Variants in BCL7A observed in about 807,000 individuals in gnomAD.
The protein encoded by BCL7A is B-cell CLL/lymphoma 7 protein family member A.
A neutral mutation model predicts 28.4 loss-of-function variants in BCL7A; 11 were observed. That is an observed-to-expected ratio of 0.39 (90% CI 0.24 to 0.64). BCL7A has a LOEUF of 0.64. BCL7A is among the 30% of genes least tolerant of loss of function. The pLI, the probability that BCL7A is intolerant of heterozygous loss-of-function variation, is 0.50. For missense variants in BCL7A, 222 were observed against 274.8 expected (o/e 0.81, Z 1.36); for synonymous variants, 123 against 103.3 (o/e 1.19, Z -1.15).
intron 2 of BCL7A, among the ~76,000 whole-genome samples, chr12:122,032,618 A>C (rs1883767976): frequency 6.6e-6 from 1 of 152,222 alleles, no homozygotes; most frequent in Non-Finnish European, 1.5e-5. Flanking sequence ...GGAGGCAGAC[A>C]GACCAGCCCC....
chr12:122,051,450 G>A (rs1884189595), intron 4 of BCL7A, among the ~76,000 whole-genome samples: 1 of 152,208 alleles, frequency 6.6e-6, no homozygotes, highest in South Asian at 2.1e-4. Flanking sequence ...CAAGCTCCCT[G>A]GACTAAATTT....
Position 122,021,957 on chromosome 12 carries a change from T to TGTGTGTGTGTGTGTGTGTGTGA in BCL7A, c.-134_-133insTGTGTGTGTGTGTGTGTGTGAG. On this transcript the variant is annotated 5_prime_UTR_variant, in exon 1 of 6. It removes the in-frame stop codon of an upstream open reading frame in the 5' UTR. Transcript: ENST00000261822. ...GTGTGTGTGTGTGTGTGTGTGTGTGTGAGTGTGTGCGTGTGAGAGTGCGAG... is the reference window on the plus strand; with the variant it reads ...GTGTGTGTGTGTGTGTGTGTGTGTGTGTGTGTGTGTGTGTGTGTGTGAGAGTGTGTGCGTGTGAGAGTGCGAG... 5.1e-6 allele frequency: 3 copies of TGTGTGTGTGTGTGTGTGTGTGA among 583,976 alleles called. No individual in the cohort carries two copies. The highest frequency in any genetic ancestry group is 9.1e-6 in the Non-Finnish European group (3 of 329,136). The allele number at this position is 583,976 out of a possible 1,614,324, so 36.2% of individuals were successfully genotyped here.
chr12:122,050,298 T>TA (rs112555784), intron 4 of BCL7A, among the ~76,000 whole-genome samples: 1 of 118,532 alleles, frequency 8.4e-6, no homozygotes, highest in Non-Finnish European at 2.0e-5. Context: ...TTCTTTATTG[T>TA]GGGGGGGGGG....
At chr12:122,052,745 T>A (rs1469850364) in intron 4 of BCL7A, among the ~76,000 whole-genome samples, 3 of 151,884 alleles carry the variant, frequency 2.0e-5, no homozygotes, top group Non-Finnish European at 4.4e-5. Flanking sequence ...TGCAGTGGCA[T>A]GATCTTGTCT....
intron 2 of BCL7A, among the ~76,000 whole-genome samples, chr12:122,032,855 C>G (rs1017167194): frequency 3.3e-5 from 5 of 152,276 alleles, no homozygotes; most frequent in African/African-American, 4.8e-5. Context: ...TCCCCCACCC[C>G]CTTTCCCTCT....
intron 3 of BCL7A, 59 bp downstream of exon 3, chr12:122,035,486 C>T (rs1565937135): frequency 1.8e-5 from 26 of 1,474,042 alleles, no homozygotes; most frequent in Non-Finnish European, 2.1e-5. Flanking sequence ...GCCAAGCACT[C>T]GGTCATGTTT....
chr12:122,023,251 T>C (rs1883516811), intron 1 of BCL7A, among the ~76,000 whole-genome samples: 1 of 152,206 alleles, frequency 6.6e-6, no homozygotes, highest in African/African-American at 2.4e-5. Flanking sequence ...TTATTATTTT[T>C]TTCCCACGCC....
rs1951908350 is a variant in BCL7A at position 122,060,091 on chromosome 12, T to C, written c.*928T>C. The C allele has an allele frequency of 4.3e-6, 1 of 233,018 alleles. No individual in the cohort carries two copies. Among genetic ancestry groups the C allele is most frequent in the Admixed American group, 5.6e-5 (1 of 17,750 alleles). The allele number at this position is 233,018 out of a possible 1,614,324, so 14.4% of individuals were successfully genotyped here. A position where few individuals can be genotyped will look rare whatever the true frequency, so the allele number is the denominator to read the frequency against. On this transcript the variant is annotated 3_prime_UTR_variant, in exon 6 of 6. Transcript: ENST00000261822. ...AAGGCTGTCTCCTTAAGGCACTGAG[T>C]GGGCCGGGGAGGCTGGGAGCCGGCG...
At chr12:122,031,016 GTCTTCT>G (rs113429275) in intron 2 of BCL7A, among the ~76,000 whole-genome samples, 6 of 151,590 alleles carry the variant, frequency 4.0e-5, no homozygotes, top group Non-Finnish European at 5.9e-5. Context: ...CGCAAGCTGT[GTCTTCT>G]TCTTCTTCTT....
In BCL7A at chr12:122,060,443, C is replaced by G. The variant is rs1951911725; in HGVS notation, c.*1280C>G. On this transcript the variant is annotated 3_prime_UTR_variant, in exon 6 of 6. Transcript: ENST00000261822. ...AGAAAGGAGAGACGCAATCTCCCCT[C>G]CCTCCCATCCCCCACCTTCGCTGGA... The G allele has an allele frequency of 4.3e-6, 1 of 232,676 alleles. No individual in the cohort carries two copies. The highest frequency in any genetic ancestry group is 8.5e-6 in the Non-Finnish European group (1 of 117,424). The allele number at this position is 232,676 out of a possible 1,614,324, so 14.4% of individuals were successfully genotyped here. A position where few individuals can be genotyped will look rare whatever the true frequency, so the allele number is the denominator to read the frequency against.
chr12:122,028,828 A>G (rs2135840658), intron 1 of BCL7A, among the ~76,000 whole-genome samples: 1 of 152,320 alleles, frequency 6.6e-6, no homozygotes, highest in African/African-American at 2.4e-5. Context: ...TAGCCTGGGC[A>G]CACAGTGGCT....
Position 122,045,282 on chromosome 12 carries a change from G to C in BCL7A, c.439+1229G>C, listed in dbSNP as rs184571505. ...TGTAATTCCAGCTAGTCAGGAGGCT[G>C]AGGCAAGAGAATCACTTGAACCCAG... On this transcript the variant is annotated intron_variant, in intron 4 of 5. Coordinates refer to ENST00000261822, the MANE Select transcript of BCL7A (RefSeq NM_001024808.3). Among the ~76,000 whole-genome samples, 17 of 152,304 alleles carry C rather than the reference G, an allele frequency of 1.1e-4. 1 individual carries two copies. The highest frequency in any genetic ancestry group is 2.5e-4 in the Non-Finnish European group (17 of 68,018).
At chr12:122,027,609 G>A (rs1043366981) in intron 1 of BCL7A, among the ~76,000 whole-genome samples, 3 of 152,048 alleles carry the variant, frequency 2.0e-5, no homozygotes, top group Non-Finnish European at 2.9e-5. Flanking sequence ...AGGCCAAGGC[G>A]GGTGGGTCAC....
intron 3 of BCL7A, among the ~76,000 whole-genome samples, chr12:122,043,600 C>T (rs1002043180): frequency 4.6e-5 from 7 of 152,016 alleles, no homozygotes; most frequent in African/African-American, 1.7e-4. Context: ...TGGTGAAACC[C>T]CATCTCTACT....
rs1883468738 is a variant in BCL7A, at chr12:122,021,982, G to C, written c.-110G>C. 1 of 788,800 alleles carries C rather than the reference G, an allele frequency of 1.3e-6. No homozygotes were observed. Among genetic ancestry groups the C allele is most frequent in the Admixed American group, 2.3e-5 (1 of 43,200 alleles). The allele number at this position is 788,800 out of a possible 1,614,324, so 48.9% of individuals were successfully genotyped here. On this transcript the variant is annotated 5_prime_UTR_variant, in exon 1 of 6. Coordinates refer to ENST00000261822, the MANE Select transcript of BCL7A (RefSeq NM_001024808.3). ...TGAGTGTGTGCGTGTGAGAGTGCGA[G>C]TGTCTGTGCGCGAGTGAGTGAGCGG...
chr12:122,028,699 G>A (rs1489911543), intron 1 of BCL7A, among the ~76,000 whole-genome samples: 1 of 152,082 alleles, frequency 6.6e-6, no homozygotes, highest in African/African-American at 2.4e-5. Context: ...AACCTCTCTG[G>A]GCATCCTGTT....
chr12:122,024,790 A>G (rs942525300), intron 1 of BCL7A, among the ~76,000 whole-genome samples: 4 of 152,136 alleles, frequency 2.6e-5, no homozygotes, highest in Non-Finnish European at 5.9e-5. Flanking sequence ...CTTATACTAA[A>G]ACATTATCTA....
chr12:122,024,952 T>A (rs1883582669), intron 1 of BCL7A, among the ~76,000 whole-genome samples: 1 of 136,812 alleles, frequency 7.3e-6, no homozygotes, highest in African/African-American at 2.7e-5. Context: ...CCACCCACTG[T>A]CCCCTGATGC....
At chr12:122,035,562 G>A (rs1003776211) in intron 3 of BCL7A, 135 bp downstream of exon 3, 2 of 715,216 alleles carry the variant, frequency 2.8e-6, no homozygotes, top group African/African-American at 3.6e-5. Context: ...GGGCCCGGCG[G>A]CCTCTGTGCC....
Sources: allele counts gnomAD v4.1 joint callset (sites outside exome capture counted in the v4.1 genomes callset), GRCh38; gene constraint gnomAD v4.1.1; transcripts MANE v1.5; gene names NCBI Gene and HGNC (gene_info 2026-07-23, HGNC 2026-07-21).